Variants in SGCZ observed in about 807,000 individuals in gnomAD.
The protein encoded by SGCZ is zeta-sarcoglycan.
SGCZ carries 40 observed loss-of-function variants against 41.3 expected under a neutral mutation model. That is an observed-to-expected ratio of 0.97 (90% CI 0.75 to 1.26). SGCZ has a LOEUF of 1.26. Ranked by LOEUF, SGCZ falls within the 50% of genes most tolerant of loss-of-function variation. The pLI is 0.00. For missense variants in SGCZ, 552 were observed against 369.8 expected (o/e 1.49, Z -4.04); for synonymous variants, 206 against 137.5 (o/e 1.50, Z -3.49).
chr8:14,164,150 C>A (rs1804134293), intron 5 of SGCZ, among the ~76,000 whole-genome samples: 1 of 152,010 alleles, frequency 6.6e-6, no homozygotes. Flanking sequence ...ATTATGAAAG[C>A]CATATAAAAT....
At chr8:15,175,794 A>G (rs1314154055) in intron 1 of SGCZ, among the ~76,000 whole-genome samples, 1 of 152,194 alleles carries the variant, frequency 6.6e-6, no homozygotes, top group East Asian at 1.9e-4. Flanking sequence ...GTTGAAACAC[A>G]GGCAGAATTT....
At chr8:15,032,350 G>A (rs892491887) in intron 1 of SGCZ, among the ~76,000 whole-genome samples, 33 of 152,162 alleles carry the variant, frequency 2.2e-4, no homozygotes, top group Admixed American at 1.9e-3. Context: ...TTTACATGAC[G>A]CACATCAGCA....
At chr8:14,601,363 G>T (rs1401405399) in intron 1 of SGCZ, among the ~76,000 whole-genome samples, 1 of 152,090 alleles carries the variant, frequency 6.6e-6, no homozygotes, top group Non-Finnish European at 1.5e-5. Context: ...TTTATATCAA[G>T]AGAGTACAGT....
At chr8:14,193,592 A>G (rs1322102510) in intron 4 of SGCZ, among the ~76,000 whole-genome samples, 1 of 152,112 alleles carries the variant, frequency 6.6e-6, no homozygotes, top group Non-Finnish European at 1.5e-5. Flanking sequence ...TTAATTTTGC[A>G]CATTAAAATT....
chr8:14,988,757 A>C (rs183413927), intron 1 of SGCZ, among the ~76,000 whole-genome samples: 2 of 152,300 alleles, frequency 1.3e-5, no homozygotes, highest in Admixed American at 1.3e-4. Flanking sequence ...TGGGATAACG[A>C]AGGAAGCTAT....
rs62498421 is a variant in SGCZ, at chr8:14,550,437, T to C, written c.234+4295A>G. ...GGAAAAGTATTCAGGATTGTGGTTA[T>C]CTACATGGAGTTACAAGATATTGGT... On this transcript the variant is annotated intron_variant, in intron 2 of 7. Coordinates refer to ENST00000382080, the MANE Select transcript of SGCZ (RefSeq NM_139167.4). 2.0e-5 allele frequency among the ~76,000 whole-genome samples: 3 copies of C among 151,698 alleles called. No individual in the cohort carries two copies. The South Asian group carries it at 6.2e-4, about 31-fold the overall frequency.
At chr8:14,288,906 G>C (rs1322109295) in intron 3 of SGCZ, among the ~76,000 whole-genome samples, 1 of 152,110 alleles carries the variant, frequency 6.6e-6, no homozygotes, top group Non-Finnish European at 1.5e-5. Context: ...TAATGTGTGA[G>C]TGTTCCAATT....
At chr8:15,065,649 G>A (rs1049105801) in intron 1 of SGCZ, among the ~76,000 whole-genome samples, 3 of 151,730 alleles carry the variant, frequency 2.0e-5, no homozygotes, top group African/African-American at 7.3e-5. Flanking sequence ...ATTTTGCCCA[G>A]GCTGGTCTCA....
chr8:14,416,898 T>G (rs1799507661), intron 2 of SGCZ, among the ~76,000 whole-genome samples: 2 of 151,806 alleles, frequency 1.3e-5, no homozygotes, highest in Admixed American at 1.3e-4. Context: ...TATGCATGGA[T>G]TATTATTATG....
chr8:15,111,943 A>G (rs992594720), intron 1 of SGCZ, among the ~76,000 whole-genome samples: 1 of 151,136 alleles, frequency 6.6e-6, no homozygotes, highest in Non-Finnish European at 1.5e-5. Flanking sequence ...TCATTTCTTT[A>G]TTTCATTCCT....
At chr8:15,216,140 G>T (rs561148401) in intron 1 of SGCZ, among the ~76,000 whole-genome samples, 1 of 152,056 alleles carries the variant, frequency 6.6e-6, no homozygotes, top group South Asian at 2.1e-4. Context: ...GCATTCTCTG[G>T]GGATATGGTT....
chr8:14,762,910 T>G (rs952677234), intron 1 of SGCZ, among the ~76,000 whole-genome samples: 1 of 152,220 alleles, frequency 6.6e-6, no homozygotes, highest in Non-Finnish European at 1.5e-5. Flanking sequence ...CATTTAAATT[T>G]CATCTTTGGC....
chr8:14,326,689 G>C (rs1334738339), intron 2 of SGCZ, among the ~76,000 whole-genome samples: 2 of 152,156 alleles, frequency 1.3e-5, no homozygotes, highest in Non-Finnish European at 2.9e-5. Flanking sequence ...GAATTAAAGA[G>C]TTATTCAGAT....
intron 2 of SGCZ, among the ~76,000 whole-genome samples, chr8:14,356,881 G>T (rs1803316088): frequency 1.3e-5 from 2 of 151,918 alleles, no homozygotes; most frequent in South Asian, 2.1e-4. Context: ...TTTAGATTCA[G>T]AAATAAAACA....
chr8:14,792,878 T>C (rs536657229), intron 1 of SGCZ, among the ~76,000 whole-genome samples: 5 of 152,248 alleles, frequency 3.3e-5, no homozygotes, highest in Non-Finnish European at 7.4e-5. Flanking sequence ...CGATAGACTC[T>C]CCTCCTAGGT....
At position 14,443,323 on chromosome 8, in the gene SGCZ, A is replaced by G. The variant is rs542420889; in HGVS notation, c.234+111409T>C. Among the ~76,000 whole-genome samples, 155 of 152,306 alleles carry G rather than the reference A, an allele frequency of 1.0e-3. 1 individual carries two copies. The highest frequency in any genetic ancestry group is 1.7e-3 in the Non-Finnish European group (114 of 68,036). On this transcript the variant is annotated intron_variant, in intron 2 of 7. Transcript: ENST00000382080. ...TGGAAAAAACGACTTTAAAGTTCAT[A>G]TGGAACCAAAAAAGAGCCCGCATCG...
At chr8:14,146,983 G>C (rs73213551) in intron 5 of SGCZ, among the ~76,000 whole-genome samples, 21,248 of 148,332 alleles carry the variant, frequency 0.14, 1,868 homozygotes, top group Middle Eastern at 0.22. Context: ...ATTTAGTAAG[G>C]AGAAAAAGCC....
chr8:14,146,890 A>AAAAATAATAAT lies in SGCZ; in HGVS notation c.547+17689_547+17690insATTATTATTTT, dbSNP rs1182329393. Among the ~76,000 whole-genome samples, 135 of 116,174 alleles carry AAAAATAATAAT rather than the reference A, an allele frequency of 1.2e-3. 3 individuals are homozygous for AAAAATAATAAT. Among genetic ancestry groups the AAAAATAATAAT allele is most frequent in the Admixed American group, 1.6e-3 (19 of 11,644 alleles). The allele number at this position is 116,174 out of a possible 152,430, so 76.2% of individuals were successfully genotyped here. A position where few individuals can be genotyped will look rare whatever the true frequency, so the allele number is the denominator to read the frequency against. On this transcript the variant is annotated intron_variant, in intron 5 of 7. Coordinates refer to ENST00000382080, the MANE Select transcript of SGCZ (RefSeq NM_139167.4). ...CCGTCTCAAAAAATAAAAATAAAAAAAATAATAATAATAATAACTACAGCA... is the reference window on the plus strand; with the variant it reads ...CCGTCTCAAAAAATAAAAATAAAAAAAAAATAATAATAATAATAATAATAATAACTACAGCA...
intron 1 of SGCZ, among the ~76,000 whole-genome samples, chr8:15,001,701 C>T (rs1276631433): frequency 7.1e-6 from 1 of 140,018 alleles, no homozygotes; most frequent in East Asian, 2.0e-4. Context: ...TGCACTCCAG[C>T]CTGGGCAAAA....
Sources: gnomAD v4.1 joint callset for allele counts (sites outside exome capture counted in the v4.1 genomes callset) on GRCh38, gnomAD v4.1.1 for gene constraint, MANE v1.5 for transcripts, NCBI Gene and HGNC (gene_info 2026-07-23, HGNC 2026-07-21) for gene names.